LRRTM2: variants seen among roughly 807,000 people sequenced by gnomAD.
LRRTM2 encodes the protein leucine rich repeat transmembrane neuronal 2.
A neutral mutation model predicts 40.7 loss-of-function variants in LRRTM2; 14 were observed. The ratio of observed to expected loss-of-function variants is 0.34; its 90% CI spans 0.23 to 0.54. LRRTM2 has a LOEUF of 0.54. LRRTM2 is among the 20% of genes least tolerant of loss of function. LRRTM2 has a pLI of 0.92. For missense variants in LRRTM2, 468 were observed against 624.4 expected, an observed-to-expected ratio of 0.75 and a Z score of 2.67; for synonymous variants, 223 against 237.6, an observed-to-expected ratio of 0.94 and a Z score of 0.57.
In LRRTM2 at chr5:138,873,383, C is replaced by G; in HGVS notation, c.1178G>C (p.Gly393Ala). Residue 393 changes from glycine to alanine, a missense_variant, in exon 2 of 2, where the codon GGA becomes GCA. Gly to Ala is a moderately conservative substitution (Grantham distance 60, BLOSUM62 0). Coordinates refer to ENST00000274711, the MANE Select transcript of LRRTM2 (RefSeq NM_015564.3). This position sits in a 1 kb window ranked among gnomAD's most constrained non-coding sequence, Gnocchi z 6.1. ...KRISSSSYHV[G>A]DKEIPTTAGI... is the part of the protein sequence containing the mutation. ...TGCAGTAGTTGGGATTTCTTTGTCT[C>G]CCACATGGTAACTTGATGAGCTTAT... 1 of 1,614,028 alleles carries G rather than the reference C, an allele frequency of 6.2e-7. No individual in the cohort carries two copies. The highest frequency in any genetic ancestry group is 8.5e-7 in the Non-Finnish European group (1 of 1,179,884).
In LRRTM2 at chr5:138,873,659, C is replaced by T. The variant is rs1247892066; in HGVS notation, c.902G>A (p.Arg301Lys). The change falls in exon 2 of 2, where the codon AGA becomes AAA. Residue 301 changes from arginine to lysine, a missense_variant. Coordinates refer to ENST00000274711, the MANE Select transcript of LRRTM2 (RefSeq NM_015564.3). The surrounding 1 kb of genome is among the most constrained non-coding windows in gnomAD (Gnocchi z 6.1). ...SLDSKILNSL[R>K]SLTTVGLSGN... is the part of the protein sequence containing the mutation. ...AGAGAGACCAACGGTTGTGAGGGAT[C>T]TCAGGGAGTTTAAGATCTTGGAATC... 5.0e-6 allele frequency: 8 copies of T among 1,614,032 alleles called. No individual in the cohort carries two copies. Among genetic ancestry groups the T allele is most frequent in the Non-Finnish European group, 5.9e-6 (7 of 1,179,906 alleles).
In LRRTM2 at chr5:138,872,892, C is replaced by G; in HGVS notation, c.*118G>C. The G allele has an allele frequency of 3.1e-6, 2 of 643,096 alleles. No individual in the cohort carries two copies. The highest frequency in any genetic ancestry group is 5.1e-6 in the Non-Finnish European group (2 of 394,980). 39.8% of individuals were successfully genotyped at this position (643,096 alleles called of 1,614,324 possible). A position where few individuals can be genotyped will look rare whatever the true frequency, so the allele number is the denominator to read the frequency against. ...CTTCAACACTTCAAAAACTAAGTCT[C>G]CACTTAGTTTGGAAAATTAGGCTTA... On this transcript the variant is annotated 3_prime_UTR_variant, in exon 2 of 2. Coordinates refer to ENST00000274711, the MANE Select transcript of LRRTM2 (RefSeq NM_015564.3).
chr5:138,872,998 G>A lies in LRRTM2; in HGVS notation c.*12C>T. 6.4e-7 allele frequency: 1 copy of A among 1,553,156 alleles called. No homozygotes were observed. The highest frequency in any genetic ancestry group is 1.2e-5 in the South Asian group (1 of 83,642). On this transcript the variant is annotated 3_prime_UTR_variant, in exon 2 of 2. Coordinates refer to ENST00000274711, the MANE Select transcript of LRRTM2 (RefSeq NM_015564.3). ...TTACTTATCTGATGTGATTTTTGAT[G>A]ATGGGTAGATATTATACTTCACATT...
At position 138,872,146 on chromosome 5, in the gene LRRTM2, A is replaced by C. The variant is rs1428313240; in HGVS notation, c.*864T>G. On this transcript the variant is annotated 3_prime_UTR_variant, in exon 2 of 2. Coordinates refer to ENST00000274711, the MANE Select transcript of LRRTM2 (RefSeq NM_015564.3). ...CTTGTTTATCTCCAAAATATCTTCTAAATCTTTTTTCACATATTAATGTAA... is the reference window on the plus strand; with the variant it reads ...CTTGTTTATCTCCAAAATATCTTCTCAATCTTTTTTCACATATTAATGTAA... 2 of 152,394 alleles carry C rather than the reference A, an allele frequency of 1.3e-5. No individual in the cohort carries two copies. Among genetic ancestry groups the C allele is most frequent in the Non-Finnish European group, 2.9e-5 (2 of 68,022 alleles). 9.4% of individuals were successfully genotyped at this position (152,394 alleles called of 1,614,324 possible).
At position 138,869,184 on chromosome 5, in the gene LRRTM2, A is replaced by C. The variant is rs1159125562; in HGVS notation, c.*3826T>G. On this transcript the variant is annotated 3_prime_UTR_variant, in exon 2 of 2. Coordinates refer to ENST00000274711, the MANE Select transcript of LRRTM2 (RefSeq NM_015564.3). ...CCATATATCAGACTTAAAAAAAAAA[A>C]AAAAAACCGCTAAGGACAAAAATGT... 1.3e-5 allele frequency: 2 copies of C among 151,892 alleles called. No individual in the cohort carries two copies. The highest frequency in any genetic ancestry group is 1.5e-5 in the Non-Finnish European group (1 of 67,956). 9.4% of individuals were successfully genotyped at this position (151,892 alleles called of 1,614,324 possible).
rs1446932789 is a variant in LRRTM2 at position 138,875,118 on chromosome 5, T to G, written c.-207A>C. On this transcript the variant is annotated 5_prime_UTR_variant, in exon 1 of 2. Transcript: ENST00000274711. ...AAGCATTGGTTTCATTTTCTGTGAT[T>G]GCTCTGATCCCTAAATCAGTTTTGA... 1.9e-6 allele frequency: 1 copy of G among 519,080 alleles called. No individual in the cohort carries two copies. Among genetic ancestry groups the G allele is most frequent in the Non-Finnish European group, 3.4e-6 (1 of 296,848 alleles). The allele number at this position is 519,080 out of a possible 1,614,324, so 32.2% of individuals were successfully genotyped here.
At position 138,870,200 on chromosome 5, in the gene LRRTM2, T is replaced by G. The variant is rs1349084015; in HGVS notation, c.*2810A>C. On this transcript the variant is annotated 3_prime_UTR_variant, in exon 2 of 2. Transcript: ENST00000274711. Reference sequence around the variant, plus strand: ...GTAACCAAGATCCGCAGCGTTGCTGTGATGCTGTTCCGTTCTAGCCAGTTG... The same window carrying G: ...GTAACCAAGATCCGCAGCGTTGCTGGGATGCTGTTCCGTTCTAGCCAGTTG... 6.6e-6 allele frequency: 1 copy of G among 152,242 alleles called. No homozygotes were observed. The highest frequency in any genetic ancestry group is 1.5e-5 in the Non-Finnish European group (1 of 68,030). The allele number at this position is 152,242 out of a possible 1,614,324, so 9.4% of individuals were successfully genotyped here.
At position 138,875,047 on chromosome 5, in the gene LRRTM2, G is replaced by A; in HGVS notation, c.-136C>T. The A allele has an allele frequency of 2.5e-6, 2 of 815,562 alleles. No individual in the cohort carries two copies. Among genetic ancestry groups the A allele is most frequent in the Middle Eastern group, 2.3e-4 (1 of 4,432 alleles). 50.5% of individuals were successfully genotyped at this position (815,562 alleles called of 1,614,324 possible). On this transcript the variant is annotated 5_prime_UTR_variant, in exon 1 of 2. Transcript: ENST00000274711. ...TGTCCCAGGCTTTCCAAGTAAAATT[G>A]AATCCACCAGGACGAGTTGTTTTTT...
rs762957959 is a variant in LRRTM2 at position 138,874,496 on chromosome 5, A to G, written c.65T>C (p.Met22Thr). The G allele has an allele frequency of 1.9e-6, 3 of 1,609,674 alleles. No individual in the cohort carries two copies. In the African/African-American group the frequency reaches 4.0e-5, roughly 22 times the overall value. ...PMLAAIYAMSMVLKMLPALGM... is the reference protein window; with the variant it reads ...PMLAAIYAMSTVLKMLPALGM... ...CAGGGCAGGCAGCATTTTTAAAACC[A>G]TACTCATTGCATATATTGCTGCCAG... The change falls in exon 2 of 2, where the codon ATG (methionine) becomes ACG (threonine). Residue 22 changes from methionine (M) to threonine (T), a missense_variant. Physicochemically the swap from Met to Thr is moderately conservative, Grantham distance 81 (BLOSUM62 -1). Coordinates refer to ENST00000274711, the MANE Select transcript of LRRTM2 (RefSeq NM_015564.3). This position sits in a 1 kb window ranked among gnomAD's most constrained non-coding sequence, Gnocchi z 4.1.
chr5:138,873,554 G>C lies in LRRTM2; in HGVS notation c.1007C>G (p.Ser336Cys). 6.2e-7 allele frequency: 1 copy of C among 1,613,968 alleles called. No individual in the cohort carries two copies. Among genetic ancestry groups the C allele is most frequent in the South Asian group, 1.1e-5 (1 of 91,078 alleles). The change falls in exon 2 of 2, where the codon TCC becomes TGC. Residue 336 changes from serine (S) to cysteine (C), a missense_variant. Transcript: ENST00000274711. The surrounding 1 kb of genome is among the most constrained non-coding windows in gnomAD (Gnocchi z 6.1). Reference sequence around the variant, plus strand: ...GTGGTCAGGACTGTGGCATAGGATGGAGTGTTCCCACCGACCTTGGAAACT... The same window carrying C: ...GTGGTCAGGACTGTGGCATAGGATGCAGTGTTCCCACCGACCTTGGAAACT... ...LGSFQGRWEH[S>C]ILCHSPDHTQ...
Position 138,869,989 on chromosome 5 carries a change from G to A in LRRTM2, c.*3021C>T, listed in dbSNP as rs1765187811. ...AATGAATATAAACGATTTCAAACTA[G>A]TTCTTGGTTTCTAGATGGGTATGGT... On this transcript the variant is annotated 3_prime_UTR_variant, in exon 2 of 2. Transcript: ENST00000274711. The A allele has an allele frequency of 6.6e-6, 1 of 152,610 alleles. No individual in the cohort carries two copies. The highest frequency in any genetic ancestry group is 1.5e-5 in the Non-Finnish European group (1 of 68,036). The allele number at this position is 152,610 out of a possible 1,614,324, so 9.5% of individuals were successfully genotyped here.
chr5:138,874,526 G>T lies in LRRTM2; in HGVS notation c.35C>A (p.Pro12His). 6.3e-7 allele frequency: 1 copy of T among 1,586,728 alleles called. No individual in the cohort carries two copies. Among genetic ancestry groups the T allele is most frequent in the Non-Finnish European group, 8.6e-7 (1 of 1,163,548 alleles). The change falls in exon 2 of 2, where the codon CCT becomes CAT. Residue 12 changes from proline (P) to histidine (H), a missense_variant. Transcript: ENST00000274711. The surrounding 1 kb of genome is among the most constrained non-coding windows in gnomAD (Gnocchi z 4.1). The stretch of plus-strand genomic sequence containing the variant: ...CATTGCATATATTGCTGCCAGCATA[G>T]GGGCCCCTAATGGCCACTTGAAATG... ...GLHFKWPLGA[P>H]MLAAIYAMSM... is the part of the protein sequence containing the mutation.
In LRRTM2 at chr5:138,872,754, A is replaced by G; in HGVS notation, c.*256T>C. On this transcript the variant is annotated 3_prime_UTR_variant, in exon 2 of 2. Transcript: ENST00000274711. ...TACACACGATTGTATATAATTACAT[A>G]CATTTCTTATTTTGAAGTAAGCATT... is the stretch of plus-strand genomic sequence containing the variant. 2.7e-6 allele frequency: 1 copy of G among 366,162 alleles called. No individual in the cohort carries two copies. The allele number at this position is 366,162 out of a possible 1,614,324, so 22.7% of individuals were successfully genotyped here.
rs916593814 is a variant in LRRTM2 at position 138,871,890 on chromosome 5, G to A, written c.*1120C>T. 3 of 152,188 alleles carry A rather than the reference G, an allele frequency of 2.0e-5. No individual in the cohort carries two copies. Among genetic ancestry groups the A allele is most frequent in the Non-Finnish European group, 2.9e-5 (2 of 68,044 alleles). The allele number at this position is 152,188 out of a possible 1,614,324, so 9.4% of individuals were successfully genotyped here. On this transcript the variant is annotated 3_prime_UTR_variant, in exon 2 of 2. Transcript: ENST00000274711. ...TTCCTTTGTAATACAATAAGAATCA[G>A]TGTTAAGCCTGTTGCTAGCCAATTA...
rs769641132 is a variant in LRRTM2 at position 138,873,914 on chromosome 5, T to C, written c.647A>G (p.Gln216Arg). 2 of 1,614,004 alleles carry C rather than the reference T, an allele frequency of 1.2e-6. No homozygotes were observed. Among genetic ancestry groups the C allele is most frequent in the Non-Finnish European group, 1.7e-6 (2 of 1,179,894 alleles). ...ATGAGCAAAATTAATCTTCGTCAGC[T>C]GGTTGTGCTCTAGGTGAAGCTCTCT... Reference protein sequence around the residue: ...KLRELHLEHNQLTKINFAHFL... With the variant: ...KLRELHLEHNRLTKINFAHFL... The change falls in exon 2 of 2, where the codon CAG (glutamine) becomes CGG (arginine). Residue 216 changes from glutamine to arginine, a missense_variant. By Grantham distance (43) the Gln-to-Arg change is conservative (BLOSUM62 1). Coordinates refer to ENST00000274711, the MANE Select transcript of LRRTM2 (RefSeq NM_015564.3). This position sits in a 1 kb window ranked among gnomAD's most constrained non-coding sequence, Gnocchi z 6.1.
rs777626349 is a variant in LRRTM2 at position 138,874,361 on chromosome 5, G to A, written c.200C>T (p.Ser67Phe). 1 of 1,613,998 alleles carries A rather than the reference G, an allele frequency of 6.2e-7. No individual in the cohort carries two copies. Among genetic ancestry groups the A allele is most frequent in the African/African-American group, 1.3e-5 (1 of 75,032 alleles). ...NATDKGSLGL[S>F]LRHNHITELE... ...CTCTGTGATGTGATTGTGCCTCAGGGACAGGCCCAGAGAGCCCTTGTCTGT... is the reference window on the plus strand; with the variant it reads ...CTCTGTGATGTGATTGTGCCTCAGGAACAGGCCCAGAGAGCCCTTGTCTGT... The change falls in exon 2 of 2, where the codon TCC becomes TTC. Residue 67 changes from serine to phenylalanine, a missense_variant. Ser to Phe is a radical substitution (Grantham distance 155). Transcript: ENST00000274711. The surrounding 1 kb of genome is among the most constrained non-coding windows in gnomAD (Gnocchi z 4.1).
At position 138,871,161 on chromosome 5, in the gene LRRTM2, C is replaced by T. The variant is rs1343539684; in HGVS notation, c.*1849G>A. The T allele has an allele frequency of 6.6e-6, 1 of 152,030 alleles. No individual in the cohort carries two copies. Among genetic ancestry groups the T allele is most frequent in the Non-Finnish European group, 1.5e-5 (1 of 68,032 alleles). 9.4% of individuals were successfully genotyped at this position (152,030 alleles called of 1,614,324 possible). ...GCCTTAACATGTTTTCAGTTTGATC[C>T]TGGGAAGAAAAAATATGCCCTGAAT... On this transcript the variant is annotated 3_prime_UTR_variant, in exon 2 of 2. Coordinates refer to ENST00000274711, the MANE Select transcript of LRRTM2 (RefSeq NM_015564.3).
Position 138,872,779 on chromosome 5 carries a change from T to G in LRRTM2, c.*231A>C. On this transcript the variant is annotated 3_prime_UTR_variant, in exon 2 of 2. Transcript: ENST00000274711. ...ACATTTCTTATTTTGAAGTAAGCAT[T>G]TTAGACTTTCCAACAGGAGTGCAAA... 1 of 420,710 alleles carries G rather than the reference T, an allele frequency of 2.4e-6. No homozygotes were observed. Among genetic ancestry groups the G allele is most frequent in the Non-Finnish European group, 4.2e-6 (1 of 238,400 alleles). 26.1% of individuals were successfully genotyped at this position (420,710 alleles called of 1,614,324 possible).
chr5:138,874,463 G>A lies in LRRTM2; in HGVS notation c.98C>T (p.Ala33Val), dbSNP rs759751841. 4.3e-6 allele frequency: 7 copies of A among 1,613,156 alleles called. No homozygotes were observed. Among genetic ancestry groups the A allele is most frequent in the South Asian group, 2.2e-5 (2 of 90,912 alleles). Residue 33 changes from alanine to valine, a missense_variant, in exon 2 of 2, where the codon GCG becomes GTG. Coordinates refer to ENST00000274711, the MANE Select transcript of LRRTM2 (RefSeq NM_015564.3). The surrounding 1 kb of genome is among the most constrained non-coding windows in gnomAD (Gnocchi z 4.1). ...VLKMLPALGMACPPKCRCEKL... is the reference protein window; with the variant it reads ...VLKMLPALGMVCPPKCRCEKL... ...CTCGCAGCGGCATTTGGGTGGACAC[G>A]CCATACCCAGGGCAGGCAGCATTTT...
Sources: allele counts gnomAD v4.1 joint callset, GRCh38; gene constraint gnomAD v4.1.1; non-coding constraint Gnocchi (gnomAD v3.1); transcripts MANE v1.5; gene names NCBI Gene and HGNC (gene_info 2026-07-23, HGNC 2026-07-21).